Variants in NTNG2 observed in about 807,000 individuals in gnomAD.
NTNG2 encodes netrin G2, also known as netrin-G2.
A neutral mutation model predicts 47.6 loss-of-function variants in NTNG2; 15 were observed. The observed-to-expected ratio is 0.32, with a 90% CI of 0.21 to 0.49. NTNG2 has a LOEUF of 0.49. Among genes scored for constraint, NTNG2 ranks in the 20% least tolerant of loss-of-function variants. The pLI, the probability that NTNG2 is intolerant of heterozygous loss-of-function variation, is 0.99. For missense variants in NTNG2, 578 were observed against 764.6 expected (o/e 0.76, Z 2.88); for synonymous variants, 307 against 324.6 (o/e 0.95, Z 0.58).
At chr9:132,168,578 A>G (rs1208231370) in intron 2 of NTNG2, among the ~76,000 whole-genome samples, 1 of 151,764 alleles carries the variant, frequency 6.6e-6, no homozygotes, top group Admixed American at 6.6e-5. Flanking sequence ...AGGGAAGGAG[A>G]AGGCGGCACG....
chr9:132,194,491 G>A (rs1838132641), intron 2 of NTNG2, among the ~76,000 whole-genome samples: 1 of 152,234 alleles, frequency 6.6e-6, no homozygotes, highest in South Asian at 2.1e-4. Context: ...GCCAGTGAGT[G>A]AGGAAGCTGG....
intron 7 of NTNG2, among the ~76,000 whole-genome samples, chr9:132,241,275 G>A (rs1841968784): frequency 1.3e-5 from 2 of 151,862 alleles, no homozygotes; most frequent in South Asian, 2.1e-4. Flanking sequence ...TGAGAGCGGG[G>A]CAGGGTTGGG....
At chr9:132,177,618 A>G (rs1181943395) in intron 2 of NTNG2, among the ~76,000 whole-genome samples, 1 of 152,162 alleles carries the variant, frequency 6.6e-6, no homozygotes, top group Non-Finnish European at 1.5e-5. Flanking sequence ...TAATCTATGC[A>G]CTTACTTCTG....
intron 3 of NTNG2, among the ~76,000 whole-genome samples, chr9:132,209,566 C>T (rs376272278): frequency 2.4e-4 from 37 of 152,316 alleles, no homozygotes; most frequent in African/African-American, 7.9e-4. Context: ...CCACCTGTGT[C>T]CATGCTGCGG....
At chr9:132,176,299 C>T (rs896640181) in intron 2 of NTNG2, among the ~76,000 whole-genome samples, 1 of 152,210 alleles carries the variant, frequency 6.6e-6, no homozygotes. Context: ...TTAGTCCCAA[C>T]ACGTTTCCAT....
rs902068183 is a variant in NTNG2, at chr9:132,198,164, G to A, written c.412G>A (p.Val138Met). ...GACCGTGGAGCTGACCGACGACGTG[G>A]TGATGACCTTCGAGTACGGCCGGCC... ...NKTVELTDDV[V>M]MTFEYGRPTV... Residue 138 changes from valine to methionine, a missense_variant, in exon 3 of 8, where the codon GTG becomes ATG. Coordinates refer to ENST00000393229, the MANE Select transcript of NTNG2 (RefSeq NM_032536.4). 14 of 1,613,714 alleles carry A rather than the reference G, an allele frequency of 8.7e-6. No homozygotes were observed. The highest frequency in any genetic ancestry group is 1.2e-5 in the Non-Finnish European group (14 of 1,180,030).
In NTNG2 at chr9:132,216,245, C is replaced by T. The variant is rs148151965; in HGVS notation, c.858-10604C>T. 2.0e-3 allele frequency among the ~76,000 whole-genome samples: 311 copies of T among 152,306 alleles called. 1 individual carries two copies. The highest frequency in any genetic ancestry group is 7.2e-3 in the African/African-American group (299 of 41,552). On this transcript the variant is annotated intron_variant, in intron 3 of 7. Coordinates refer to ENST00000393229, the MANE Select transcript of NTNG2 (RefSeq NM_032536.4). ...CCCCTTCCTCCCTTGCTTCTTTCTG[C>T]AAACATTGAGCACCTACTGTGTGCC... is the stretch of plus-strand genomic sequence containing the variant.
chr9:132,214,831 G>A (rs1839854139), intron 3 of NTNG2, among the ~76,000 whole-genome samples: 2 of 151,852 alleles, frequency 1.3e-5, no homozygotes, highest in African/African-American at 2.4e-5. Flanking sequence ...GAATATACTT[G>A]TACTAACAAA....
chr9:132,201,782 C>T (rs1838770697), intron 3 of NTNG2, among the ~76,000 whole-genome samples: 2 of 152,284 alleles, frequency 1.3e-5, no homozygotes, highest in South Asian at 4.1e-4. Context: ...TAATCAATAG[C>T]CGTTTAATTC....
intron 3 of NTNG2, among the ~76,000 whole-genome samples, chr9:132,199,542 A>G (rs1838580762): frequency 6.6e-6 from 1 of 152,184 alleles, no homozygotes; most frequent in Non-Finnish European, 1.5e-5. Context: ...AGGGATGCTT[A>G]CTGAAGCCTC....
intron 3 of NTNG2, among the ~76,000 whole-genome samples, chr9:132,224,143 T>A (rs1482480954): frequency 6.6e-6 from 1 of 152,218 alleles, no homozygotes; most frequent in Non-Finnish European, 1.5e-5. Context: ...GGAAGAGGTG[T>A]GTGATTCGTA....
At chr9:132,239,369 C>T (rs1841840959) in intron 6 of NTNG2, 98 bp downstream of exon 6, 14 of 1,147,744 alleles carry the variant, frequency 1.2e-5, no homozygotes, top group Non-Finnish European at 1.8e-5. Flanking sequence ...ATCAGAATCA[C>T]CTGGGGAGAC....
At chr9:132,183,939 C>G (rs1318317115) in intron 2 of NTNG2, among the ~76,000 whole-genome samples, 1 of 152,188 alleles carries the variant, frequency 6.6e-6, no homozygotes. Flanking sequence ...TGCCACACCC[C>G]TCCCGTCCCC....
chr9:132,163,221 G>A lies in NTNG2; in HGVS notation c.-484+982G>A, dbSNP rs928934695. 6.6e-6 allele frequency among the ~76,000 whole-genome samples: 1 copy of A among 152,114 alleles called. No homozygotes were observed. The highest frequency in any genetic ancestry group is 2.4e-5 in the African/African-American group (1 of 41,436). On this transcript the variant is annotated intron_variant, in intron 1 of 7. Transcript: ENST00000393229. This position sits in a 1 kb window ranked among gnomAD's most constrained non-coding sequence, Gnocchi z 7.2. The stretch of plus-strand genomic sequence containing the variant: ...GCAGCTGCGGGGCTGCCGGGTCGTC[G>A]GTGTCCTAGGCACAGGGCTCGCAGC...
Position 132,242,182 on chromosome 9 carries a change from C to A in NTNG2, c.*71C>A, listed in dbSNP as rs906071053. The A allele has an allele frequency of 8.1e-6, 6 of 744,842 alleles. No individual in the cohort carries two copies. Among genetic ancestry groups the A allele is most frequent in the Non-Finnish European group, 1.0e-5 (6 of 594,438 alleles). The allele number at this position is 744,842 out of a possible 1,614,324, so 46.1% of individuals were successfully genotyped here. Reference sequence around the variant, plus strand: ...GGGGTCCCGGGGCGGGGCCGGCGTCCGAGGCCGGGCGGTGAGAAGGGTGCG... The same window carrying A: ...GGGGTCCCGGGGCGGGGCCGGCGTCAGAGGCCGGGCGGTGAGAAGGGTGCG... On this transcript the variant is annotated 3_prime_UTR_variant, in exon 8 of 8. Transcript: ENST00000393229. This position sits in a 1 kb window ranked among gnomAD's most constrained non-coding sequence, Gnocchi z 5.9.
intron 2 of NTNG2, among the ~76,000 whole-genome samples, chr9:132,176,736 A>G (rs534891504): frequency 2.0e-5 from 3 of 152,262 alleles, no homozygotes; most frequent in African/African-American, 7.2e-5. Flanking sequence ...TCACAAGGTA[A>G]TTCTATGTGT....
At chr9:132,183,503 A>G (rs1837104996) in intron 2 of NTNG2, among the ~76,000 whole-genome samples, 1 of 152,202 alleles carries the variant, frequency 6.6e-6, no homozygotes, top group African/African-American at 2.4e-5. Context: ...TCCTGAGTCC[A>G]GATGAAATCC....
chr9:132,169,749 G>A (rs74919034), intron 2 of NTNG2, among the ~76,000 whole-genome samples: 1 of 152,336 alleles, frequency 6.6e-6, no homozygotes, highest in Non-Finnish European at 1.5e-5. Context: ...GCCGTGGTAC[G>A]TGCGGACACA....
At chr9:132,193,969 ACTTCTT>A (rs771867546) in intron 2 of NTNG2, among the ~76,000 whole-genome samples, 2 of 152,042 alleles carry the variant, frequency 1.3e-5, no homozygotes, top group South Asian at 4.1e-4. Context: ...CGGCAGCCAA[ACTTCTT>A]CTTCTTCCAA....
Sources: allele counts gnomAD v4.1 joint callset (sites outside exome capture counted in the v4.1 genomes callset), GRCh38; gene constraint gnomAD v4.1.1; non-coding constraint Gnocchi (gnomAD v3.1); transcripts MANE v1.5; gene names NCBI Gene and HGNC (gene_info 2026-07-23, HGNC 2026-07-21).